Variants in PEPD observed in about 807,000 individuals in gnomAD.
PEPD encodes the protein peptidase D.
A neutral mutation model predicts 60.7 loss-of-function variants in PEPD; 53 were observed. The ratio of observed to expected loss-of-function variants is 0.87; its 90% CI spans 0.70 to 1.10. The LOEUF is 1.10. Ranked by LOEUF, PEPD falls within the 50% of genes least tolerant of loss-of-function variation. The probability of loss-of-function intolerance (pLI) is 0.00; values close to 1 mark genes in which losing one functional copy is unlikely to be tolerated. For synonymous variants in PEPD, 267 were observed against 284.1 expected (o/e 0.94, Z 0.60); for missense variants, 711 against 711.9 (o/e 1.00, Z 0.01).
At chr19:33,462,138 G>A (rs747665763) in intron 9 of PEPD, among the ~76,000 whole-genome samples, 29 of 152,244 alleles carry the variant, frequency 1.9e-4, no homozygotes, top group Non-Finnish European at 3.2e-4. Flanking sequence ...GCACCCCCAG[G>A]GCCGGGGCTC....
chr19:33,419,467 C>G (rs1036923304), intron 9 of PEPD, among the ~76,000 whole-genome samples: 2 of 152,216 alleles, frequency 1.3e-5, no homozygotes, highest in African/African-American at 4.8e-5. Context: ...TCCCACTGCA[C>G]AGAGGATGCT....
intron 7 of PEPD, among the ~76,000 whole-genome samples, chr19:33,466,341 G>T (rs1329622695): frequency 1.3e-5 from 2 of 152,188 alleles, no homozygotes; most frequent in African/African-American, 4.8e-5. Context: ...CCAGGTCAAG[G>T]GGGAAAATGT....
In PEPD at chr19:33,476,066, A is replaced by G. The variant is rs530115507; in HGVS notation, c.548+1980T>C. Among the ~76,000 whole-genome samples, 14 of 152,214 alleles carry G rather than the reference A, an allele frequency of 9.2e-5. No homozygotes were observed. The South Asian group carries it at 2.1e-3, about 23-fold the overall frequency. On this transcript the variant is annotated intron_variant, in intron 7 of 14. Coordinates refer to ENST00000244137, the MANE Select transcript of PEPD (RefSeq NM_000285.4). The stretch of plus-strand genomic sequence containing the variant: ...GTTTTTGTAGAGATGGGATCTCTCT[A>G]TGTTGCTCAGGCTGGTCTCAAACTC...
intron 3 of PEPD, 35 bp from the exon 4 acceptor site, chr19:33,501,036 G>A: frequency 1.5e-6 from 2 of 1,313,122 alleles, no homozygotes; most frequent in Non-Finnish European, 2.2e-6. Flanking sequence ...CAGGGTCAGG[G>A]CTTGGTAATG....
intron 14 of PEPD, 193 bp downstream of exon 14, chr19:33,387,697 G>A (rs1056087325): frequency 3.9e-6 from 3 of 763,238 alleles, no homozygotes; most frequent in South Asian, 1.6e-5. Flanking sequence ...AGCGGGCAGG[G>A]GTTTTGCAGG....
chr19:33,468,192 C>T (rs918265642), intron 7 of PEPD, among the ~76,000 whole-genome samples: 2 of 152,166 alleles, frequency 1.3e-5, no homozygotes, highest in Non-Finnish European at 2.9e-5. Context: ...AGAGAGTTCC[C>T]GGTGCACCCC....
At chr19:33,451,648 A>T (rs1438483679) in intron 9 of PEPD, among the ~76,000 whole-genome samples, 1 of 152,248 alleles carries the variant, frequency 6.6e-6, no homozygotes, top group Admixed American at 6.5e-5. Flanking sequence ...TTGAACAATG[A>T]GTATGCTGCA....
chr19:33,483,258 A>C (rs1970340485), intron 6 of PEPD, among the ~76,000 whole-genome samples: 2 of 152,232 alleles, frequency 1.3e-5, no homozygotes, highest in African/African-American at 2.4e-5. Flanking sequence ...TTCCATCCTA[A>C]GAATGACCCT....
Position 33,500,955 on chromosome 19 carries a change from C to G in PEPD, c.376G>C (p.Val126Leu). 6.2e-7 allele frequency: 1 copy of G among 1,602,722 alleles called. No homozygotes were observed. The highest frequency in any genetic ancestry group is 8.5e-7 in the Non-Finnish European group (1 of 1,169,878). ...CTACCCACCTCATCTACGTACTGGACGTCGTCCACGGCATACTTCTCCTTG... is the reference window on the plus strand; with the variant it reads ...CTACCCACCTCATCTACGTACTGGAGGTCGTCCACGGCATACTTCTCCTTG... ...HFKEKYAVDD[V>L]QYVDEIASVL... The change falls in exon 4 of 15, where the codon GTC (valine) becomes CTC (leucine). Residue 126 changes from valine to leucine, a missense_variant. By Grantham distance (32) the Val-to-Leu change is conservative. Coordinates refer to ENST00000244137, the MANE Select transcript of PEPD (RefSeq NM_000285.4).
rs117708179 is a variant in PEPD, at chr19:33,459,629, G to A, written c.671+3366C>T. On this transcript the variant is annotated intron_variant, in intron 9 of 14. Coordinates refer to ENST00000244137, the MANE Select transcript of PEPD (RefSeq NM_000285.4). ...TCCTCTGAACCCTCAACTCCCAGGC[G>A]CCGCATGAGGGAGGAGTCTTCATAA... Among the ~76,000 whole-genome samples the A allele has an allele frequency of 8.6e-5, 13 of 151,604 alleles. No homozygotes were observed. In the East Asian group the frequency reaches 1.2e-3, roughly 14 times the overall value.
intron 9 of PEPD, among the ~76,000 whole-genome samples, chr19:33,454,211 C>T (rs1057399088): frequency 1.4e-4 from 21 of 152,112 alleles, no homozygotes; most frequent in African/African-American, 3.4e-4. Context: ...AGGAGTCAAA[C>T]GAAAGAGCCC....
chr19:33,462,893 C>G (rs573221647), intron 9 of PEPD, 102 bp downstream of exon 9: 50 of 798,280 alleles, frequency 6.3e-5, no homozygotes, highest in Non-Finnish European at 5.3e-5. Flanking sequence ...TCTCCGCTCA[C>G]GGTGTGTGTG....
intron 12 of PEPD, among the ~76,000 whole-genome samples, chr19:33,399,697 C>T (rs1490500184): frequency 1.3e-5 from 2 of 152,218 alleles, no homozygotes; most frequent in African/African-American, 4.8e-5. Context: ...GGCTGTGGGG[C>T]CGCAGGGACT....
At chr19:33,482,164 C>T (rs141480929) in intron 6 of PEPD, among the ~76,000 whole-genome samples, 26 of 152,216 alleles carry the variant, frequency 1.7e-4, no homozygotes, top group African/African-American at 6.3e-4. Flanking sequence ...AAATTCCTTG[C>T]GAATAGAGAC....
At chr19:33,512,806 C>A in intron 1 of PEPD, 30 bp from the exon 2 acceptor site, 5 of 1,612,836 alleles carry the variant, frequency 3.1e-6, no homozygotes, top group Non-Finnish European at 4.2e-6. Flanking sequence ...CACCGCCACA[C>A]AGGCCTCTGT....
chr19:33,398,049 G>C (rs1024807418), intron 12 of PEPD, among the ~76,000 whole-genome samples: 1 of 152,226 alleles, frequency 6.6e-6, no homozygotes, highest in Non-Finnish European at 1.5e-5. Context: ...GCCATCCCTG[G>C]TTTCAGCACA....
intron 7 of PEPD, among the ~76,000 whole-genome samples, chr19:33,472,014 A>AT (rs1274641019): frequency 2.0e-5 from 3 of 152,058 alleles, no homozygotes; most frequent in African/African-American, 7.2e-5. Context: ...ATACAAAAGT[A>AT]GCCGGGCATG....
chr19:33,485,957 C>T (rs1970390501), intron 6 of PEPD, among the ~76,000 whole-genome samples: 2 of 152,204 alleles, frequency 1.3e-5, no homozygotes, highest in South Asian at 4.1e-4. Context: ...GCCAAGAAGG[C>T]ACCCTCGTTA....
At chr19:33,510,228 T>C (rs560911703) in intron 3 of PEPD, among the ~76,000 whole-genome samples, 1 of 152,190 alleles carries the variant, frequency 6.6e-6, no homozygotes, top group Non-Finnish European at 1.5e-5. Context: ...ACACCAGGGT[T>C]CTTGGTCTCG....
Sources: allele counts gnomAD v4.1 joint callset (sites outside exome capture counted in the v4.1 genomes callset), GRCh38; gene constraint gnomAD v4.1.1; transcripts MANE v1.5; gene names NCBI Gene and HGNC (gene_info 2026-07-23, HGNC 2026-07-21).